The following OCA2 variants were observed in gnomAD, a reference collection of about 807,000 sequenced individuals.
The protein encoded by OCA2 is P protein.
Under a neutral mutation model 100.2 loss-of-function variants are expected in OCA2, and 77 were observed. The observed-to-expected ratio is 0.77, with a 90% confidence interval of 0.64 to 0.93. The LOEUF (loss-of-function observed/expected upper bound fraction) is 0.93, where lower values mean the gene tolerates loss of function less well. Ranked by LOEUF, OCA2 falls within the 40% of genes least tolerant of loss-of-function variation. OCA2 has a pLI of 0.00. For missense variants in OCA2, 1,062 were observed against 1,089.1 expected, an observed-to-expected ratio of 0.98 and a Z score of 0.35; for synonymous variants, 432 against 439.2, an observed-to-expected ratio of 0.98 and a Z score of 0.21.
At chr15:27,735,851 G>A in the OCA2 span, among the ~76,000 whole-genome samples, 538 of 152,332 alleles carry the variant, frequency 3.5e-3, 3 homozygotes, top group African/African-American at 0.013. Flanking sequence ...AAAGCTGAGG[G>A]AGTTCAATAC....
At chr15:28,093,847 A>G (rs1721104776) in intron 1 of OCA2, among the ~76,000 whole-genome samples, 1 of 152,146 alleles carries the variant, frequency 6.6e-6, no homozygotes, top group African/African-American at 2.4e-5. Context: ...CCAACAGACT[A>G]TTTACTCTGA....
intron 2 of OCA2, among the ~76,000 whole-genome samples, chr15:28,046,699 G>A (rs989306626): frequency 6.6e-6 from 1 of 152,148 alleles, no homozygotes; most frequent in Non-Finnish European, 1.5e-5. Flanking sequence ...CTATCATGCT[G>A]GTGCTGAATA....
At chr15:27,871,018 G>T in intron 21 of OCA2, 136 bp downstream of exon 21, 1 of 739,574 alleles carries the variant, frequency 1.4e-6, no homozygotes, top group South Asian at 1.5e-5. Context: ...CCTGGGCTCT[G>T]CTCACTTTCG....
chr15:27,965,437 T>C (rs951431447), intron 15 of OCA2, among the ~76,000 whole-genome samples: 1 of 152,224 alleles, frequency 6.6e-6, no homozygotes, highest in African/African-American at 2.4e-5. Context: ...TGAGGAGGAA[T>C]GCAAAACAAT....
chr15:27,724,433 T>A, the OCA2 span, among the ~76,000 whole-genome samples: 1 of 152,148 alleles, frequency 6.6e-6, no homozygotes, highest in South Asian at 2.1e-4. Flanking sequence ...CCAGTCCTGT[T>A]GGATGCAGGG....
chr15:27,886,964 G>C (rs547887289), intron 19 of OCA2, among the ~76,000 whole-genome samples: 1 of 152,328 alleles, frequency 6.6e-6, no homozygotes, highest in Admixed American at 6.5e-5. Flanking sequence ...TGTTGTGGGA[G>C]GGACCTGGTG....
At chr15:27,932,727 G>A (rs1428309131) in intron 18 of OCA2, among the ~76,000 whole-genome samples, 1 of 152,146 alleles carries the variant, frequency 6.6e-6, no homozygotes, top group Non-Finnish European at 1.5e-5. Context: ...ATCAATCTGT[G>A]TCAAAACACT....
At chr15:27,875,813 C>T (rs575187820) in intron 19 of OCA2, among the ~76,000 whole-genome samples, 4 of 151,414 alleles carry the variant, frequency 2.6e-5, no homozygotes, top group Admixed American at 1.3e-4. Flanking sequence ...AAATATTTTC[C>T]AATTATGCGC....
At chr15:27,868,775 C>T (rs1014479022) in intron 21 of OCA2, among the ~76,000 whole-genome samples, 22 of 152,186 alleles carry the variant, frequency 1.4e-4, no homozygotes, top group Non-Finnish European at 1.5e-5. Context: ...TGCATGCGTT[C>T]AGTACCTTGA....
intron 17 of OCA2, among the ~76,000 whole-genome samples, chr15:27,954,539 G>A (rs2040152274): frequency 6.6e-6 from 1 of 152,090 alleles, no homozygotes; most frequent in Non-Finnish European, 1.5e-5. Context: ...ATTAGAGTGG[G>A]TATTCAATCT....
At chr15:28,021,795 A>G (rs1055319264) in intron 6 of OCA2, among the ~76,000 whole-genome samples, 5 of 152,164 alleles carry the variant, frequency 3.3e-5, no homozygotes, top group Admixed American at 2.6e-4. Context: ...TCCTGCAGCC[A>G]TGAGAAGGTA....
In OCA2 at chr15:27,851,492, C is replaced by T. The variant is rs1463595104; in HGVS notation, c.2245-17G>A. 2 of 1,601,610 alleles carry T rather than the reference C, an allele frequency of 1.2e-6. No homozygotes were observed. The highest frequency in any genetic ancestry group is 8.5e-7 in the Non-Finnish European group (1 of 1,170,802). Reference sequence around the variant, plus strand: ...CACGGGAATCTGTGGAGGAAGAGGACATTGATGCCACGTCCCATGGACGCT... The same window carrying T: ...CACGGGAATCTGTGGAGGAAGAGGATATTGATGCCACGTCCCATGGACGCT... On this transcript the variant is annotated splice_polypyrimidine_tract_variant and intron_variant, in intron 21 of 23. Transcript: ENST00000354638.
chr15:28,096,278 G>C (rs539044034), intron 1 of OCA2, among the ~76,000 whole-genome samples: 98 of 151,810 alleles, frequency 6.5e-4, no homozygotes, highest in Admixed American at 4.2e-3. Context: ...TAGTGTCTCC[G>C]GGGGCATGGC....
At chr15:27,744,429 G>T in the OCA2 span, among the ~76,000 whole-genome samples, 1 of 152,132 alleles carries the variant, frequency 6.6e-6, no homozygotes, top group Non-Finnish European at 1.5e-5. Flanking sequence ...GAAAGCCAGG[G>T]GTCAGGCCAG....
At chr15:28,038,024 A>G (rs998049440) in intron 2 of OCA2, among the ~76,000 whole-genome samples, 1 of 151,904 alleles carries the variant, frequency 6.6e-6, no homozygotes, top group African/African-American at 2.4e-5. Context: ...CTCTTTCTCT[A>G]TCCCTATCTC....
At chr15:28,094,760 G>C (rs1023756411) in intron 1 of OCA2, among the ~76,000 whole-genome samples, 13 of 152,156 alleles carry the variant, frequency 8.5e-5, no homozygotes, top group African/African-American at 3.1e-4. Context: ...TGCCAGCACC[G>C]TTCTCTCCGA....
At chr15:28,070,350 C>T (rs1226252605) in intron 2 of OCA2, among the ~76,000 whole-genome samples, 43 of 123,102 alleles carry the variant, frequency 3.5e-4, no homozygotes, top group African/African-American at 1.0e-3. Context: ...CCGCCCCGTC[C>T]GGGAGGTGAG....
At chr15:27,854,683 C>T (rs2035889516) in intron 21 of OCA2, among the ~76,000 whole-genome samples, 2 of 152,180 alleles carry the variant, frequency 1.3e-5, no homozygotes, top group South Asian at 4.1e-4. Context: ...CTTCGTTCTT[C>T]GGAGGAGTGA....
intron 23 of OCA2, among the ~76,000 whole-genome samples, chr15:27,841,732 C>T (rs1043920514): frequency 6.6e-6 from 1 of 152,022 alleles, no homozygotes; most frequent in African/African-American, 2.4e-5. Flanking sequence ...AAGAGAAAGA[C>T]GAAGGCAAAG....
Sources: gnomAD v4.1 joint callset for allele counts (sites outside exome capture counted in the v4.1 genomes callset) on GRCh38, gnomAD v4.1.1 for gene constraint, MANE v1.5 for transcripts, NCBI Gene and HGNC (gene_info 2026-07-23, HGNC 2026-07-21) for gene names.